Variants in A1BG observed in about 807,000 individuals in gnomAD.
The protein encoded by A1BG is alpha-1B-glycoprotein.
A1BG carries 44 observed loss-of-function variants against 46.0 expected under a neutral mutation model. The observed-to-expected ratio is 0.96, with a 90% CI of 0.75 to 1.23. The LOEUF (loss-of-function observed/expected upper bound fraction) is 1.23. Ranked by LOEUF, A1BG falls within the 50% of genes most tolerant of loss-of-function variation. The pLI, the probability that A1BG is intolerant of heterozygous loss-of-function variation, is 0.00. For synonymous variants in A1BG, 316 were observed against 314.7 expected, an observed-to-expected ratio of 1.00 and a Z score of -0.04; for missense variants, 707 against 688.8, an observed-to-expected ratio of 1.03 and a Z score of -0.30.
intron 6 of A1BG, 37 bp from the exon 7 acceptor site, chr19:58,347,677 C>CCCCCGGCCACGCCCCAGGCCGCG (rs2051924957): frequency 3.0e-6 from 2 of 671,754 alleles, no homozygotes; most frequent in African/African-American, 1.9e-5. Flanking sequence ...CCAGGCCACG[C>CCCCCGGCCACGCCCCAGGCCGCG]CCCAGGCCAC....
intron 5 of A1BG, 184 bp downstream of exon 5, chr19:58,351,207 G>T: frequency 1.3e-6 from 1 of 754,354 alleles, no homozygotes; most frequent in Non-Finnish European, 2.2e-6. Context: ...TTCCCTGTGG[G>T]GCCTGAAGGT....
At position 58,353,180 on chromosome 19, in the gene A1BG, T is replaced by A. The variant is rs563772889; in HGVS notation, c.88A>T (p.Ser30Cys). Residue 30 changes from serine (S) to cysteine (C), a missense_variant, in exon 3 of 8, where the codon AGC becomes TGC. Physicochemically the swap from Ser to Cys is moderately radical, Grantham distance 112. Transcript: ENST00000263100. ...AGTGATTCGGACTCTGCCCACAGGCTGGGCTGCGTCTCATAAACTGCAAGG... is the reference window on the plus strand; with the variant it reads ...AGTGATTCGGACTCTGCCCACAGGCAGGGCTGCGTCTCATAAACTGCAAGG... ...EAAIFYETQP[S>C]LWAESESLLK... 1 of 1,613,880 alleles carries A rather than the reference T, an allele frequency of 6.2e-7. No individual in the cohort carries two copies. The highest frequency in any genetic ancestry group is 1.7e-5 in the Admixed American group (1 of 60,018).
At chr19:58,347,703 C>G (rs970090733) in intron 6 of A1BG, 63 bp from the exon 7 acceptor site, 1 of 1,213,350 alleles carries the variant, frequency 8.2e-7, no homozygotes, top group Admixed American at 4.2e-5. Flanking sequence ...AGGCCACACC[C>G]CAGGCCACAC....
In A1BG at chr19:58,351,381, C is replaced by T. The variant is rs758452143; in HGVS notation, c.910+10G>A. ...CAGCCGCGTCCCTGTCCCTGCTGGC[C>T]CCGGCTCACCATCGCTCAGAATCAG... On this transcript the variant is annotated intron_variant, in intron 5 of 7. Transcript: ENST00000263100. 26 of 1,607,002 alleles carry T rather than the reference C, an allele frequency of 1.6e-5. No homozygotes were observed. The highest frequency in any genetic ancestry group is 2.1e-5 in the Non-Finnish European group (25 of 1,179,284).
In A1BG at chr19:58,346,628, G is replaced by C; in HGVS notation, c.*394C>G. The C allele has an allele frequency of 3.6e-6, 1 of 274,732 alleles. No individual in the cohort carries two copies. The highest frequency in any genetic ancestry group is 7.1e-6 in the Non-Finnish European group (1 of 140,836). 17.0% of individuals were successfully genotyped at this position (274,732 alleles called of 1,614,324 possible). On this transcript the variant is annotated 3_prime_UTR_variant, in exon 8 of 8. Transcript: ENST00000263100. Reference sequence around the variant, plus strand: ...CCAGCTACTTGGGAGGCTGAGGCAGGAGGATCGCTTGAGCCTGGGAGGTCA... The same window carrying C: ...CCAGCTACTTGGGAGGCTGAGGCAGCAGGATCGCTTGAGCCTGGGAGGTCA...
intron 4 of A1BG, 167 bp downstream of exon 4, chr19:58,352,116 T>A (rs777797606): frequency 5.5e-6 from 8 of 1,463,916 alleles, no homozygotes; most frequent in Non-Finnish European, 6.3e-6. Flanking sequence ...TCTTTGGGCA[T>A]CCTCTGCCCA....
intron 7 of A1BG, 25 bp downstream of exon 7, chr19:58,347,328 C>T (rs1438501745): frequency 1.9e-6 from 3 of 1,608,696 alleles, no homozygotes; most frequent in Non-Finnish European, 2.5e-6. Context: ...ACGGAACCAG[C>T]ACCCGGGACC....
chr19:58,353,446 C>T lies in A1BG; in HGVS notation c.-9G>A, dbSNP rs181121290. On this transcript the variant is annotated 5_prime_UTR_variant, in exon 1 of 8. Transcript: ENST00000263100. The stretch of plus-strand genomic sequence containing the variant: ...ACCACGAGCATGGACATGATGGTCG[C>T]GCTCACTCCGGTGCAGTGAGTGTCT... 3.1e-5 allele frequency: 50 copies of T among 1,607,026 alleles called. No homozygotes were observed. The highest frequency in any genetic ancestry group is 5.1e-5 in the Admixed American group (3 of 59,150).
In A1BG at chr19:58,350,511, T is replaced by C. The variant is rs763760860; in HGVS notation, c.1051A>G (p.Ser351Gly). Residue 351 changes from serine to glycine, a missense_variant, in exon 6 of 8, where the codon AGC becomes GGC. Physicochemically the swap from Ser to Gly is moderately conservative, Grantham distance 56. Transcript: ENST00000263100. ...RGGRRVHRFQ[S>G]PAGTEALFEL... is the part of the protein sequence containing the mutation. The stretch of plus-strand genomic sequence containing the variant: ...AAGAGCGCCTCGGTCCCAGCGGGGC[T>C]CTGGAAACGGTGCACGCGGCGCCCG... 6.4e-7 allele frequency: 1 copy of C among 1,554,728 alleles called. No individual in the cohort carries two copies. Among genetic ancestry groups the C allele is most frequent in the Non-Finnish European group, 8.7e-7 (1 of 1,149,706 alleles).
chr19:58,350,177 G>T, intron 6 of A1BG, 193 bp downstream of exon 6: 1 of 725,630 alleles, frequency 1.4e-6, no homozygotes, highest in Non-Finnish European at 2.1e-6. Flanking sequence ...TGCGTCCGTG[G>T]GAAATAAGCC....
At position 58,352,861 on chromosome 19, in the gene A1BG, G is replaced by A. The variant is rs543223170; in HGVS notation, c.340+67C>T. 54 of 1,540,996 alleles carry A rather than the reference G, an allele frequency of 3.5e-5. No individual in the cohort carries two copies. In the African/African-American group the frequency reaches 6.5e-4, roughly 19 times the overall value. On this transcript the variant is annotated intron_variant, in intron 3 of 7. Coordinates refer to ENST00000263100, the MANE Select transcript of A1BG (RefSeq NM_130786.4). ...CTCAGAGACATCGGGTGACTTGGAGGAAGGGAGACCCCCCAGTCAACAACC... is the reference window on the plus strand; with the variant it reads ...CTCAGAGACATCGGGTGACTTGGAGAAAGGGAGACCCCCCAGTCAACAACC...
Position 58,350,624 on chromosome 19 carries a change from G to C in A1BG, c.938C>G (p.Pro313Arg). 7.0e-7 allele frequency: 1 copy of C among 1,432,430 alleles called. No individual in the cohort carries two copies. The highest frequency in any genetic ancestry group is 9.1e-7 in the Non-Finnish European group (1 of 1,096,726). The allele number at this position is 1,432,430 out of a possible 1,614,324, so 88.7% of individuals were successfully genotyped here. A position where few individuals can be genotyped will look rare whatever the true frequency, so the allele number is the denominator to read the frequency against. The part of the protein sequence containing the change: ...DETLPAPEFS[P>R]EPESGRALRL... ...CAAGGCCCTGCCGGACTCCGGCTCC[G>C]GGGAGAACTCCGGCGCGGGCAGCGT... Residue 313 changes from proline (P) to arginine (R), a missense_variant, in exon 6 of 8, where the codon CCG becomes CGG. Physicochemically the swap from Pro to Arg is moderately radical, Grantham distance 103. Coordinates refer to ENST00000263100, the MANE Select transcript of A1BG (RefSeq NM_130786.4).
Position 58,352,499 on chromosome 19 carries a change from G to C in A1BG, c.397C>G (p.Leu133Val), listed in dbSNP as rs1404927822. Residue 133 changes from leucine to valine, a missense_variant, in exon 4 of 8, where the codon CTG becomes GTG. Physicochemically the swap from Leu to Val is conservative, Grantham distance 32 (BLOSUM62 1). Transcript: ENST00000263100. Reference protein sequence around the residue: ...MAPVSWITPGLKTTAVCRGVL... With the variant: ...MAPVSWITPGVKTTAVCRGVL... ...CCTCGGCACACTGCTGTTGTTTTCAGGCCGGGGGTGATCCAGGACACTGGC... is the reference window on the plus strand; with the variant it reads ...CCTCGGCACACTGCTGTTGTTTTCACGCCGGGGGTGATCCAGGACACTGGC... 3 of 1,613,112 alleles carry C rather than the reference G, an allele frequency of 1.9e-6. No homozygotes were observed. Among genetic ancestry groups the C allele is most frequent in the Non-Finnish European group, 2.5e-6 (3 of 1,180,014 alleles).
Position 58,347,397 on chromosome 19 carries a change from G to T in A1BG, c.1436C>A (p.Thr479Asn). 2 of 1,612,192 alleles carry T rather than the reference G, an allele frequency of 1.2e-6. No individual in the cohort carries two copies. Among genetic ancestry groups the T allele is most frequent in the Middle Eastern group, 1.7e-4 (1 of 6,054 alleles). Reference protein sequence around the residue: ...RCRYRSWVPHTFESELSDPVE... With the variant: ...RCRYRSWVPHNFESELSDPVE... ...AGGGTCGCTGAGCTCCGATTCGAAG[G>T]TGTGGGGCACCCAGGAGCGGTAGCG... The change falls in exon 7 of 8, where the codon ACC (threonine) becomes AAC (asparagine). Residue 479 changes from threonine (T) to asparagine (N), a missense_variant. By Grantham distance (65) the Thr-to-Asn change is moderately conservative. Transcript: ENST00000263100.
At position 58,350,487 on chromosome 19, in the gene A1BG, A is replaced by C; in HGVS notation, c.1075T>G (p.Phe359Val). 1 of 1,556,392 alleles carries C rather than the reference A, an allele frequency of 6.4e-7. No homozygotes were observed. Among genetic ancestry groups the C allele is most frequent in the Non-Finnish European group, 8.7e-7 (1 of 1,150,620 alleles). Reference protein sequence around the residue: ...FQSPAGTEALFELHNISVADS... With the variant: ...FQSPAGTEALVELHNISVADS... ...GCCACGGAAATGTTGTGCAGCTCGA[A>C]GAGCGCCTCGGTCCCAGCGGGGCTC... is the stretch of plus-strand genomic sequence containing the variant. Residue 359 changes from phenylalanine to valine, a missense_variant, in exon 6 of 8, where the codon TTC (phenylalanine) becomes GTC (valine). Physicochemically the swap from Phe to Val is conservative, Grantham distance 50. Transcript: ENST00000263100.
Position 58,352,490 on chromosome 19 carries a change from T to C in A1BG, c.406A>G (p.Thr136Ala). 6.2e-7 allele frequency: 1 copy of C among 1,613,098 alleles called. No homozygotes were observed. Among genetic ancestry groups the C allele is most frequent in the Non-Finnish European group, 8.5e-7 (1 of 1,179,900 alleles). The change falls in exon 4 of 8, where the codon ACA becomes GCA. Residue 136 changes from threonine (T) to alanine (A), a missense_variant. Transcript: ENST00000263100. ...CGCAGCACACCTCGGCACACTGCTG[T>C]TGTTTTCAGGCCGGGGGTGATCCAG... is the stretch of plus-strand genomic sequence containing the variant. ...VSWITPGLKT[T>A]AVCRGVLRGV...
intron 4 of A1BG, 122 bp downstream of exon 4, chr19:58,352,161 G>A (rs1283642450): frequency 2.6e-6 from 4 of 1,515,934 alleles, no homozygotes; most frequent in Non-Finnish European, 3.5e-6. Flanking sequence ...AGGCAACCGT[G>A]TGGCCAGCTT....
Position 58,347,493 on chromosome 19 carries a change from CG to C in A1BG, c.1339del (p.Arg447AlafsTer11), listed in dbSNP as rs755255061. The stretch of plus-strand genomic sequence containing the variant: ...GAGGTTCGCCGCGGCCCCGGGGGTG[CG>C]GACCGTCTTCACGGCCTTCGTCTCG... ...EGETKAVKTVRTPGAAANLEL... is the reference protein window; with the variant it reads ...EGETKAVKTVXTPGAAANLEL... On this transcript the variant is annotated frameshift_variant, in exon 7 of 8. Transcript: ENST00000263100. LOFTEE classifies it high-confidence loss of function. 2 of 1,594,206 alleles carry C rather than the reference CG, an allele frequency of 1.3e-6. No homozygotes were observed.
chr19:58,352,192 A>G, intron 4 of A1BG, 91 bp downstream of exon 4: 1 of 1,546,990 alleles, frequency 6.5e-7, no homozygotes, highest in Non-Finnish European at 8.7e-7. Context: ...GTCCTGGGCA[A>G]GGACATTCAG....
Sources: allele counts gnomAD v4.1 joint callset, GRCh38; gene constraint gnomAD v4.1.1; transcripts MANE v1.5; gene names NCBI Gene and HGNC (gene_info 2026-07-23, HGNC 2026-07-21).